TRAIP: variants seen among roughly 807,000 people sequenced by gnomAD.
The protein encoded by TRAIP is E3 ubiquitin-protein ligase TRAIP.
TRAIP carries 37 observed loss-of-function variants against 65.0 expected under a neutral mutation model. The observed-to-expected ratio is 0.57, with a 90% CI of 0.44 to 0.75. The LOEUF is 0.75. TRAIP is among the 30% of genes least tolerant of loss of function. TRAIP has a pLI of 0.00. For missense variants in TRAIP, 481 were observed against 579.4 expected (o/e 0.83, Z 1.74); for synonymous variants, 187 against 219.1 (o/e 0.85, Z 1.29).
At chr3:49,846,091 C>T (rs1209703810) in intron 3 of TRAIP, among the ~76,000 whole-genome samples, 2 of 152,278 alleles carry the variant, frequency 1.3e-5, no homozygotes, top group African/African-American at 2.4e-5. Flanking sequence ...AGCAGTTAGA[C>T]GTATAGGAGG....
chr3:49,850,117 A>T (rs1202477467), intron 1 of TRAIP, among the ~76,000 whole-genome samples: 2 of 152,146 alleles, frequency 1.3e-5, no homozygotes, highest in African/African-American at 4.8e-5. Context: ...AGCTAAGAAC[A>T]ATATTATGAA....
At chr3:49,845,528 A>C (rs2081874490) in intron 3 of TRAIP, among the ~76,000 whole-genome samples, 1 of 152,048 alleles carries the variant, frequency 6.6e-6, no homozygotes, top group African/African-American at 2.4e-5. Context: ...TCCACCTAGG[A>C]CTCTGGGGGC....
At chr3:49,835,360 CTAAAG>C (rs748455976) in intron 10 of TRAIP, among the ~76,000 whole-genome samples, 1 of 152,210 alleles carries the variant, frequency 6.6e-6, no homozygotes, top group Non-Finnish European at 1.5e-5. Flanking sequence ...TATGAGGCTC[CTAAAG>C]TAGTCAAATT....
chr3:49,833,626 C>T (rs1445212754), intron 10 of TRAIP, among the ~76,000 whole-genome samples: 1 of 152,022 alleles, frequency 6.6e-6, no homozygotes, highest in Non-Finnish European at 1.5e-5. Context: ...GCTACAGGCG[C>T]CCGCCACCAC....
chr3:49,846,645 CCT>C (rs774261817), intron 3 of TRAIP, among the ~76,000 whole-genome samples: 6 of 152,204 alleles, frequency 3.9e-5, no homozygotes, highest in Admixed American at 1.3e-4. Context: ...CATCAGTTGT[CCT>C]CTGATTTTTG....
chr3:49,842,626 C>G, intron 5 of TRAIP, 79 bp from the exon 6 acceptor site: 6 of 1,306,058 alleles, frequency 4.6e-6, no homozygotes, highest in Non-Finnish European at 6.6e-6. Context: ...AAACTCTGCT[C>G]CAGAACTCTC....
intron 1 of TRAIP, among the ~76,000 whole-genome samples, chr3:49,855,248 G>C (rs937080312): frequency 1.6e-4 from 24 of 151,970 alleles, no homozygotes; most frequent in African/African-American, 5.8e-4. Context: ...TCAGGAGTTC[G>C]AGACCAGCCT....
chr3:49,839,033 CA>C (rs2081813196), intron 10 of TRAIP, among the ~76,000 whole-genome samples: 1 of 148,708 alleles, frequency 6.7e-6, no homozygotes. Context: ...TACTAAAATA[CA>C]AAAAATTAGC....
chr3:49,828,710 A>C lies in TRAIP; in HGVS notation c.*393T>G, dbSNP rs1210008539. On this transcript the variant is annotated 3_prime_UTR_variant, in exon 15 of 15. Transcript: ENST00000331456. ...CTTGGCCCAGGCTATGCCTAGAAGC[A>C]AGTCAAAGGCAGGTAGAAGCTTGGG... The C allele has an allele frequency of 4.5e-6, 1 of 221,532 alleles. No homozygotes were observed. Among genetic ancestry groups the C allele is most frequent in the Non-Finnish European group, 9.3e-6 (1 of 107,176 alleles). The allele number at this position is 221,532 out of a possible 1,614,324, so 13.7% of individuals were successfully genotyped here.
At chr3:49,840,503 C>CT (rs1485443399) in intron 8 of TRAIP, 130 bp from the exon 9 acceptor site, 8 of 733,224 alleles carry the variant, frequency 1.1e-5, no homozygotes, top group Non-Finnish European at 1.8e-5. Flanking sequence ...GATCCCAGCT[C>CT]TCTGAGGCTA....
chr3:49,833,133 A>G lies in TRAIP; in HGVS notation c.885-1065T>C, dbSNP rs903008033. Reference sequence around the variant, plus strand: ...TCCTCTGGGAACCACAGCAGCCAGGACCACTCATGCCAACTTTTTTGCAGT... The same window carrying G: ...TCCTCTGGGAACCACAGCAGCCAGGGCCACTCATGCCAACTTTTTTGCAGT... On this transcript the variant is annotated intron_variant, in intron 10 of 14. Coordinates refer to ENST00000331456, the MANE Select transcript of TRAIP (RefSeq NM_005879.3). Among the ~76,000 whole-genome samples, 5 of 152,332 alleles carry G rather than the reference A, an allele frequency of 3.3e-5. No homozygotes were observed. The South Asian group carries it at 1.0e-3, about 32-fold the overall frequency.
intron 1 of TRAIP, among the ~76,000 whole-genome samples, chr3:49,855,313 T>G (rs2081961528): frequency 6.6e-6 from 1 of 152,020 alleles, no homozygotes; most frequent in African/African-American, 2.4e-5. Context: ...CTGGGCGTGG[T>G]GGCGCACGCC....
Position 49,829,117 on chromosome 3 carries a change from A to AG in TRAIP, c.1395dup (p.Phe466LeufsTer21). Reference sequence around the variant, plus strand: ...ACTCACTGTTCTCACGACCACAGGAAGGTGTCCAGCTTGGCCTGGAAGAGA... The same window carrying AG: ...ACTCACTGTTCTCACGACCACAGGAAGGGTGTCCAGCTTGGCCTGGAAGAGA... On this transcript the variant is annotated frameshift_variant, in exon 15 of 15. Transcript: ENST00000331456. LOFTEE classifies it high-confidence loss of function. 1 of 1,614,206 alleles carries AG rather than the reference A, an allele frequency of 6.2e-7. No homozygotes were observed.
At chr3:49,856,250 C>A in intron 1 of TRAIP, 106 bp downstream of exon 1, 1 of 968,764 alleles carries the variant, frequency 1.0e-6, no homozygotes, top group Non-Finnish European at 1.6e-6. Context: ...GGAAGGTTCT[C>A]ATCACTTGTC....
rs542614684 is a variant in TRAIP, at chr3:49,834,028, G to C, written c.885-1960C>G. Among the ~76,000 whole-genome samples the C allele has an allele frequency of 4.6e-5, 7 of 152,252 alleles. No individual in the cohort carries two copies. The East Asian group carries it at 9.7e-4, about 21-fold the overall frequency. On this transcript the variant is annotated intron_variant, in intron 10 of 14. Transcript: ENST00000331456. Reference sequence around the variant, plus strand: ...CATGCCAGAGGCCTCAGGGAGCCAGGCAAGACACTCAAAGCTCCCCTTTCC... The same window carrying C: ...CATGCCAGAGGCCTCAGGGAGCCAGCCAAGACACTCAAAGCTCCCCTTTCC...
At chr3:49,833,187 C>G (rs969051730) in intron 10 of TRAIP, among the ~76,000 whole-genome samples, 9 of 152,182 alleles carry the variant, frequency 5.9e-5, no homozygotes, top group African/African-American at 2.2e-4. Flanking sequence ...TTTACCAACC[C>G]CAGCAAGTTG....
Position 49,856,476 on chromosome 3 carries a change from A to G in TRAIP, c.-23T>C, listed in dbSNP as rs575140138. ...CATGATGGCTGGACTCAAGGGGCCC[A>G]GGCAGCCAAAGAAACTGCTACAGGT... On this transcript the variant is annotated 5_prime_UTR_variant, in exon 1 of 15. Transcript: ENST00000331456. 2.5e-6 allele frequency: 4 copies of G among 1,606,210 alleles called. No individual in the cohort carries two copies. Among genetic ancestry groups the G allele is most frequent in the Admixed American group, 1.7e-5 (1 of 59,002 alleles).
chr3:49,855,834 G>A (rs1362465537), intron 1 of TRAIP, among the ~76,000 whole-genome samples: 2 of 152,178 alleles, frequency 1.3e-5, no homozygotes, highest in Non-Finnish European at 2.9e-5. Flanking sequence ...GGCCCTACAC[G>A]GTCAGCAGGA....
At chr3:49,852,384 C>T (rs1240250727) in intron 1 of TRAIP, among the ~76,000 whole-genome samples, 1 of 147,456 alleles carries the variant, frequency 6.8e-6, no homozygotes, top group Non-Finnish European at 1.5e-5. Flanking sequence ...AATAATAACA[C>T]AGGATAAAAA....
Sources: allele counts gnomAD v4.1 joint callset (sites outside exome capture counted in the v4.1 genomes callset), GRCh38; gene constraint gnomAD v4.1.1; transcripts MANE v1.5; gene names NCBI Gene and HGNC (gene_info 2026-07-23, HGNC 2026-07-21).